GRM8: variants seen among roughly 807,000 people sequenced by gnomAD.
The protein encoded by GRM8 is glutamate metabotropic receptor 8, also known as metabotropic glutamate receptor 8.
Under a neutral mutation model 87.2 loss-of-function variants are expected in GRM8, and 47 were observed. The ratio of observed to expected loss-of-function variants is 0.54; its 90% CI spans 0.43 to 0.69. The LOEUF (loss-of-function observed/expected upper bound fraction) is 0.69, where lower values mean the gene tolerates loss of function less well. Among genes scored for constraint, GRM8 ranks in the 30% least tolerant of loss-of-function variants. GRM8 has a pLI of 0.00. For synonymous variants in GRM8, 396 were observed against 404.5 expected (o/e 0.98, Z 0.25); for missense variants, 1,019 against 1,139.2 (o/e 0.89, Z 1.52).
chr7:127,119,493 C>G (rs1563526087), intron 2 of GRM8, among the ~76,000 whole-genome samples: 2 of 151,402 alleles, frequency 1.3e-5, no homozygotes, highest in African/African-American at 4.9e-5. Context: ...CTCTCTCTCT[C>G]TCTCTCTCAC....
chr7:126,556,175 G>A (rs1014168396), intron 8 of GRM8, among the ~76,000 whole-genome samples: 2 of 152,070 alleles, frequency 1.3e-5, no homozygotes, highest in Admixed American at 1.3e-4. Context: ...ACTCATGAAA[G>A]CAGCTGCATG....
At chr7:126,989,027 G>A (rs1410703069) in intron 3 of GRM8, among the ~76,000 whole-genome samples, 1 of 152,106 alleles carries the variant, frequency 6.6e-6, no homozygotes, top group Non-Finnish European at 1.5e-5. Context: ...TTGAATGAAA[G>A]AATGACCTCA....
At chr7:127,004,603 A>T (rs17861385) in intron 3 of GRM8, among the ~76,000 whole-genome samples, 2 of 151,734 alleles carry the variant, frequency 1.3e-5, no homozygotes, top group South Asian at 2.1e-4. Context: ...ATAAATGATC[A>T]TCTGTAAGAA....
intron 3 of GRM8, among the ~76,000 whole-genome samples, chr7:127,066,793 TC>T (rs1396514407): frequency 1.3e-5 from 2 of 152,312 alleles, no homozygotes; most frequent in East Asian, 3.9e-4. Context: ...ATGTCTCCTT[TC>T]CCCCTACCCT....
rs1337921845 is a variant in GRM8, at chr7:127,252,025, G to A, written c.-312+772C>T. On this transcript the variant is annotated intron_variant, in intron 1 of 10. Transcript: ENST00000339582. This position sits in a 1 kb window ranked among gnomAD's most constrained non-coding sequence, Gnocchi z 4.9. ...CCCCATCCTCCCTAGATCCTGGTTAGACATCCATCCAGCCCACGCTCAGAG... is the reference window on the plus strand; with the variant it reads ...CCCCATCCTCCCTAGATCCTGGTTAAACATCCATCCAGCCCACGCTCAGAG... 7 of 152,188 alleles carry A rather than the reference G, an allele frequency of 4.6e-5. No individual in the cohort carries two copies. The highest frequency in any genetic ancestry group is 4.6e-4 in the Admixed American group (7 of 15,282). The allele number at this position is 152,188 out of a possible 1,614,324, so 9.4% of individuals were successfully genotyped here.
At chr7:126,959,297 T>C (rs547718490) in intron 3 of GRM8, among the ~76,000 whole-genome samples, 1 of 152,242 alleles carries the variant, frequency 6.6e-6, no homozygotes, top group Admixed American at 6.5e-5. Flanking sequence ...AAAACTACAA[T>C]TGACCAAACC....
At chr7:126,636,495 TA>T (rs1585311534) in intron 7 of GRM8, among the ~76,000 whole-genome samples, 1 of 152,064 alleles carries the variant, frequency 6.6e-6, no homozygotes, top group African/African-American at 2.4e-5. Context: ...ATAATGACAA[TA>T]AAAAAGTCTG....
At chr7:126,754,896 A>C in intron 7 of GRM8, among the ~76,000 whole-genome samples, 1 of 151,880 alleles carries the variant, frequency 6.6e-6, no homozygotes, top group Non-Finnish European at 1.5e-5. Flanking sequence ...CTTCAGTACC[A>C]GTAAAGCACA....
chr7:126,740,877 A>G (rs1376811389), intron 7 of GRM8, among the ~76,000 whole-genome samples: 2 of 152,148 alleles, frequency 1.3e-5, no homozygotes, highest in African/African-American at 2.4e-5. Context: ...AGAAACTCTA[A>G]CAACTTCCTG....
intron 6 of GRM8, among the ~76,000 whole-genome samples, chr7:126,790,416 TAACTC>T (rs1769941658): frequency 6.6e-6 from 1 of 152,224 alleles, no homozygotes; most frequent in South Asian, 2.1e-4. Context: ...AATATAGAGA[TAACTC>T]TACTGCCCAA....
Position 126,738,993 on chromosome 7 carries a change from C to T in GRM8, c.1357+30872G>A, listed in dbSNP as rs1176164575. ...AATGTTTGGAGCCTTCAGCAACGTG[C>T]AAATCAGATCTGAAGGAAATATTGG... On this transcript the variant is annotated intron_variant, in intron 7 of 10. Transcript: ENST00000339582. Among the ~76,000 whole-genome samples, 5 of 151,606 alleles carry T rather than the reference C, an allele frequency of 3.3e-5. No homozygotes were observed. In the South Asian group the frequency reaches 6.2e-4, roughly 19 times the overall value.
chr7:126,487,111 T>A (rs922691014), intron 9 of GRM8, among the ~76,000 whole-genome samples: 1 of 152,108 alleles, frequency 6.6e-6, no homozygotes, highest in Non-Finnish European at 1.5e-5. Flanking sequence ...AGTGTTCTTT[T>A]CAAAGCAAAG....
chr7:126,749,533 TAAAC>T (rs1816147203), intron 7 of GRM8, among the ~76,000 whole-genome samples: 1 of 150,466 alleles, frequency 6.6e-6, no homozygotes, highest in South Asian at 2.1e-4. Context: ...GTTAAATATA[TAAAC>T]AAATATTACA....
chr7:127,191,581 C>A (rs1795031350), intron 2 of GRM8, among the ~76,000 whole-genome samples: 1 of 152,082 alleles, frequency 6.6e-6, no homozygotes, highest in Admixed American at 6.6e-5. Flanking sequence ...TCATTCAGTG[C>A]AATTATAGTA....
intron 6 of GRM8, among the ~76,000 whole-genome samples, chr7:126,855,049 T>A (rs1797550658): frequency 6.6e-6 from 1 of 152,210 alleles, no homozygotes. Flanking sequence ...CTGTTCAGTA[T>A]AATGTTGGCT....
intron 8 of GRM8, among the ~76,000 whole-genome samples, chr7:126,585,526 G>C (rs1399561762): frequency 6.6e-6 from 1 of 151,702 alleles, no homozygotes; most frequent in African/African-American, 2.4e-5. Context: ...TTAAAAAATT[G>C]AACGCAAATC....
At chr7:127,149,932 T>C (rs1381658899) in intron 2 of GRM8, among the ~76,000 whole-genome samples, 1 of 151,922 alleles carries the variant, frequency 6.6e-6, no homozygotes, top group Non-Finnish European at 1.5e-5. Flanking sequence ...AGCAGGTATG[T>C]AGAATGAAGA....
intron 3 of GRM8, among the ~76,000 whole-genome samples, chr7:126,998,982 A>G (rs1373697485): frequency 6.6e-6 from 1 of 151,836 alleles, no homozygotes; most frequent in African/African-American, 2.4e-5. Flanking sequence ...AAAACTGGAG[A>G]AACCACATTA....
At chr7:127,050,950 G>A (rs1819408808) in intron 3 of GRM8, among the ~76,000 whole-genome samples, 1 of 150,862 alleles carries the variant, frequency 6.6e-6, no homozygotes, top group Non-Finnish European at 1.5e-5. Context: ...ATAATTAAAT[G>A]CTCTCCATCT....
Sources: allele counts gnomAD v4.1 joint callset (sites outside exome capture counted in the v4.1 genomes callset), GRCh38; gene constraint gnomAD v4.1.1; non-coding constraint Gnocchi (gnomAD v3.1); transcripts MANE v1.5; gene names NCBI Gene and HGNC (gene_info 2026-07-23, HGNC 2026-07-21).